Variants in ERCC8 observed in about 807,000 individuals in gnomAD.
The protein encoded by ERCC8 is DNA excision repair protein ERCC-8.
ERCC8 carries 52 observed loss-of-function variants against 54.9 expected under a neutral mutation model. The ratio of observed to expected loss-of-function variants is 0.95; its 90% CI spans 0.76 to 1.19. The LOEUF (loss-of-function observed/expected upper bound fraction) is 1.19, where lower values mean the gene tolerates loss of function less well. Among genes scored for constraint, ERCC8 ranks in the 50% most tolerant of loss-of-function variants. The pLI is 0.00. For synonymous variants in ERCC8, 146 were observed against 157.2 expected (o/e 0.93, Z 0.53); for missense variants, 514 against 466.1 (o/e 1.10, Z -0.95).
chr5:60,904,391 C>T (rs1379115986), intron 5 of ERCC8, among the ~76,000 whole-genome samples: 4 of 151,664 alleles, frequency 2.6e-5, no homozygotes, highest in South Asian at 2.1e-4. Flanking sequence ...TAAATTGATG[C>T]TTAATTTGAA....
rs121434323 is a variant in ERCC8 at position 60,890,964 on chromosome 5, G to C, written c.966C>G (p.Tyr322Ter). The C allele has an allele frequency of 6.2e-7, 1 of 1,613,418 alleles. No individual in the cohort carries two copies. The highest frequency in any genetic ancestry group is 1.7e-5 in the Admixed American group (1 of 60,002). The change falls in exon 10 of 12, where the codon TAC becomes TAG. Residue 322 changes from tyrosine to a stop codon, truncating the protein, a stop_gained. Coordinates refer to ENST00000676185, the MANE Select transcript of ERCC8 (RefSeq NM_000082.4). LOFTEE classifies it high-confidence loss of function. The stretch of plus-strand genomic sequence containing the variant: ...TAAGCATAGTTATCTGTTCTCCTGA[G>C]TAAACTGTATAAACAGCAATGGTGC... ...YGSTIAVYTV[Y>*]SGEQITMLKG...
intron 9 of ERCC8, chr5:60,892,279 C>G (rs1052194418): frequency 1.8e-6 from 1 of 555,108 alleles, no homozygotes; most frequent in Non-Finnish European, 3.6e-6. Flanking sequence ...TTTCCATCAT[C>G]GGAGAATGGA....
At chr5:60,942,114 C>A (rs1350205944) in intron 1 of ERCC8, among the ~76,000 whole-genome samples, 1 of 151,980 alleles carries the variant, frequency 6.6e-6, no homozygotes, top group East Asian at 1.9e-4. Context: ...AAGATATAGT[C>A]AAAACCATAG....
intron 2 of ERCC8, among the ~76,000 whole-genome samples, chr5:60,927,384 T>G (rs2112530139): frequency 6.6e-6 from 1 of 152,362 alleles, no homozygotes; most frequent in East Asian, 1.9e-4. Flanking sequence ...AAGGGGTTAA[T>G]GCAAAATACA....
chr5:60,872,362 G>A lies in ERCC8; in HGVS notation c.*2253C>T, dbSNP rs1451602978. 6.6e-6 allele frequency among the ~76,000 whole-genome samples: 1 copy of A among 152,124 alleles called. No individual in the cohort carries two copies. Among genetic ancestry groups the A allele is most frequent in the Non-Finnish European group, 1.5e-5 (1 of 68,026 alleles). On this transcript the variant is annotated 3_prime_UTR_variant, in exon 12 of 12. Coordinates refer to ENST00000676185, the MANE Select transcript of ERCC8 (RefSeq NM_000082.4). ...CAAAGGAAACAATTAATAGGGTGAA[G>A]AGACAACCTACAGAATGGAGAAAAA...
chr5:60,938,044 CATACAT>C (rs1310491345), intron 1 of ERCC8, among the ~76,000 whole-genome samples: 462 of 16,480 alleles, frequency 0.028, 1 homozygote, highest in Middle Eastern at 0.05. Context: ...TACATACATA[CATACAT>C]ATATATATAT....
chr5:60,906,985 GCCATGAGCCAGA>G (rs1749094645), intron 4 of ERCC8, among the ~76,000 whole-genome samples: 1 of 152,094 alleles, frequency 6.6e-6, no homozygotes, highest in Non-Finnish European at 1.5e-5. Context: ...ACAAAAAAAG[GCCATGAGCCAGA>G]CTTGCCCATG....
intron 9 of ERCC8, among the ~76,000 whole-genome samples, chr5:60,891,668 T>A (rs1392580379): frequency 2.6e-5 from 4 of 151,536 alleles, no homozygotes; most frequent in African/African-American, 9.7e-5. Context: ...TATTCTTTTT[T>A]TTTTTTCCTG....
chr5:60,887,220 TTTG>T lies in ERCC8; in HGVS notation c.1122+217_1122+219del, dbSNP rs968973862. On this transcript the variant is annotated intron_variant, in intron 11 of 11. Coordinates refer to ENST00000676185, the MANE Select transcript of ERCC8 (RefSeq NM_000082.4). ...TACGGAAATTACCAAGAAATGCTTT[TTTG>T]TTGTTGTTGTTCTGAGATGGGGTCT... Among the ~76,000 whole-genome samples the T allele has an allele frequency of 2.4e-4, 36 of 152,326 alleles. 1 individual carries two copies. Among genetic ancestry groups the T allele is most frequent in the African/African-American group, 7.5e-4 (31 of 41,580 alleles).
At chr5:60,942,286 A>G (rs1240926520) in intron 1 of ERCC8, among the ~76,000 whole-genome samples, 1 of 152,168 alleles carries the variant, frequency 6.6e-6, no homozygotes, top group East Asian at 1.9e-4. Context: ...TTTATCTAGT[A>G]GCTCCACTGT....
In ERCC8 at chr5:60,869,494, T is replaced by A. The variant is rs1747819494; in HGVS notation, c.*5121A>T. Among the ~76,000 whole-genome samples the A allele has an allele frequency of 6.6e-6, 1 of 152,272 alleles. No individual in the cohort carries two copies. The highest frequency in any genetic ancestry group is 1.9e-4 in the East Asian group (1 of 5,190). On this transcript the variant is annotated 3_prime_UTR_variant, in exon 12 of 12. Coordinates refer to ENST00000676185, the MANE Select transcript of ERCC8 (RefSeq NM_000082.4). Reference sequence around the variant, plus strand: ...TTATCTATTATTATAATTGGTACAGTTTAAGGTTTTGTCTTTAGAGAATTT... The same window carrying A: ...TTATCTATTATTATAATTGGTACAGATTAAGGTTTTGTCTTTAGAGAATTT...
intron 6 of ERCC8, 181 bp downstream of exon 6, chr5:60,903,467 T>A (rs1436571644): frequency 8.9e-6 from 9 of 1,006,996 alleles, no homozygotes; most frequent in Non-Finnish European, 1.3e-5. Context: ...ATAAATGTGT[T>A]TTCAATGGTT....
Position 60,871,665 on chromosome 5 carries a change from G to T in ERCC8, c.*2950C>A, listed in dbSNP as rs188799170. 1.6e-4 allele frequency among the ~76,000 whole-genome samples: 25 copies of T among 152,166 alleles called. No homozygotes were observed. The East Asian group carries it at 4.1e-3, about 25-fold the overall frequency. ...CAGGTGACCACTACCTTCCTTTTTA[G>T]ATTTTTATGTTGTTTGAATTATTTA... is the stretch of plus-strand genomic sequence containing the variant. On this transcript the variant is annotated 3_prime_UTR_variant, in exon 12 of 12. Coordinates refer to ENST00000676185, the MANE Select transcript of ERCC8 (RefSeq NM_000082.4).
chr5:60,875,885 TA>T (rs1747984820), intron 11 of ERCC8, among the ~76,000 whole-genome samples: 3 of 115,688 alleles, frequency 2.6e-5, no homozygotes, highest in African/African-American at 9.2e-5. Context: ...TTAATTTATT[TA>T]TTTTTTCTTT....
At chr5:60,941,470 T>C (rs1206000490) in intron 1 of ERCC8, among the ~76,000 whole-genome samples, 1 of 151,966 alleles carries the variant, frequency 6.6e-6, no homozygotes, top group Non-Finnish European at 1.5e-5. Flanking sequence ...TCATTGGAGG[T>C]CTAGAAGGAG....
chr5:60,877,771 G>T (rs1314130995), intron 11 of ERCC8, among the ~76,000 whole-genome samples: 1 of 152,148 alleles, frequency 6.6e-6, no homozygotes, highest in Non-Finnish European at 1.5e-5. Context: ...GAGATTTTGG[G>T]CTGAGACAAT....
intron 9 of ERCC8, among the ~76,000 whole-genome samples, chr5:60,894,551 T>G (rs1366499189): frequency 6.6e-6 from 1 of 152,094 alleles, no homozygotes; most frequent in Non-Finnish European, 1.5e-5. Flanking sequence ...GGGACAAAAA[T>G]TAAAATTCTT....
At chr5:60,909,345 G>A (rs1237927462) in intron 4 of ERCC8, among the ~76,000 whole-genome samples, 2 of 144,072 alleles carry the variant, frequency 1.4e-5, no homozygotes, top group Non-Finnish European at 3.0e-5. Flanking sequence ...GCAAATAGTG[G>A]AAGAAGGTTC....
chr5:60,944,013 T>C (rs1750346886), intron 1 of ERCC8, among the ~76,000 whole-genome samples: 1 of 152,226 alleles, frequency 6.6e-6, no homozygotes, highest in Admixed American at 6.5e-5. Flanking sequence ...GTAAATATCT[T>C]CACAGGTTCC....
Sources: gnomAD v4.1 joint callset for allele counts (sites outside exome capture counted in the v4.1 genomes callset) on GRCh38, gnomAD v4.1.1 for gene constraint, MANE v1.5 for transcripts, NCBI Gene and HGNC (gene_info 2026-07-23, HGNC 2026-07-21) for gene names.